SGPL1: variants seen among roughly 807,000 people sequenced by gnomAD.
SGPL1 encodes the protein sphingosine-1-phosphate lyase 1.
A neutral mutation model predicts 68.9 loss-of-function variants in SGPL1; 37 were observed. That is an observed-to-expected ratio of 0.54 (90% CI 0.41 to 0.71). The LOEUF is 0.71. Among genes scored for constraint, SGPL1 ranks in the 30% least tolerant of loss-of-function variants. The pLI, the probability that SGPL1 is intolerant of heterozygous loss-of-function variation, is 0.00. For missense variants in SGPL1, 551 were observed against 704.6 expected, an observed-to-expected ratio of 0.78 and a Z score of 2.47; for synonymous variants, 236 against 248.5, an observed-to-expected ratio of 0.95 and a Z score of 0.47.
chr10:70,839,733 A>G (rs1278464146), intron 2 of SGPL1, among the ~76,000 whole-genome samples: 1 of 152,138 alleles, frequency 6.6e-6, no homozygotes, highest in Non-Finnish European at 1.5e-5. Flanking sequence ...AAGTACTGTT[A>G]TAAGTAAAAA....
chr10:70,848,454 C>CTTTTTTTTTTTTTTTTTTTTTT, intron 3 of SGPL1, among the ~76,000 whole-genome samples: 1 of 70,684 alleles, frequency 1.4e-5, no homozygotes, highest in Non-Finnish European at 2.5e-5. Flanking sequence ...ACCTCACGTA[C>CTTTTTTTTTTTTTTTTTTTTTT]TTTTTTTTTT....
intron 5 of SGPL1, among the ~76,000 whole-genome samples, chr10:70,856,718 A>C (rs1443996918): frequency 1.3e-5 from 2 of 152,210 alleles, no homozygotes; most frequent in African/African-American, 4.8e-5. Flanking sequence ...CAAGAGCTGA[A>C]GATCTTTGCT....
At chr10:70,818,108 CGTTTT>C (rs1168301627) in intron 2 of SGPL1, among the ~76,000 whole-genome samples, 6 of 151,668 alleles carry the variant, frequency 4.0e-5, no homozygotes, top group South Asian at 2.1e-4. Flanking sequence ...TTTTTTGTTT[CGTTTT>C]GTTTTGTTTT....
At chr10:70,870,898 G>A in intron 9 of SGPL1, 150 bp from the exon 10 acceptor site, 1 of 652,040 alleles carries the variant, frequency 1.5e-6, no homozygotes, top group Admixed American at 2.3e-5. Context: ...CACCGTGGTG[G>A]GATGCAGTCT....
intron 2 of SGPL1, among the ~76,000 whole-genome samples, chr10:70,828,155 GA>G: frequency 6.6e-6 from 1 of 152,146 alleles, no homozygotes; most frequent in Non-Finnish European, 1.5e-5. Flanking sequence ...CTGCCAAACA[GA>G]TTTCCAAAGT....
At chr10:70,855,002 C>T (rs1845942283) in intron 5 of SGPL1, 147 bp downstream of exon 5, 1 of 639,462 alleles carries the variant, frequency 1.6e-6, no homozygotes, top group Non-Finnish European at 2.4e-6. Flanking sequence ...GTTGAATTTC[C>T]TATTTTTAAA....
Position 70,854,857 on chromosome 10 carries a change from T to C in SGPL1, c.409+2T>C. On this transcript the variant is annotated splice_donor_variant, in intron 5 of 14. Transcript: ENST00000373202. LOFTEE classifies it high-confidence loss of function. The stretch of plus-strand genomic sequence containing the variant: ...AACTTAAGGAGTACAGCTCTATGGG[T>C]ATGATGCTTGGCATATACATGCTCT... 2 of 1,597,030 alleles carry C rather than the reference T, an allele frequency of 1.3e-6. No individual in the cohort carries two copies. The highest frequency in any genetic ancestry group is 1.7e-6 in the Non-Finnish European group (2 of 1,174,054).
chr10:70,817,408 A>G (rs1201979659), intron 2 of SGPL1, among the ~76,000 whole-genome samples: 7 of 152,214 alleles, frequency 4.6e-5, no homozygotes, highest in African/African-American at 1.7e-4. Context: ...TAAATTATTG[A>G]AGAATCTTTT....
intron 7 of SGPL1, among the ~76,000 whole-genome samples, chr10:70,862,786 T>A (rs957527045): frequency 1.3e-5 from 2 of 151,756 alleles, no homozygotes; most frequent in Admixed American, 1.3e-4. Flanking sequence ...TCCGGACACA[T>A]CCGAACATCA....
At chr10:70,823,810 A>G (rs1845384913) in intron 2 of SGPL1, among the ~76,000 whole-genome samples, 2 of 152,110 alleles carry the variant, frequency 1.3e-5, no homozygotes, top group Middle Eastern at 3.4e-3. Context: ...TTTTCTTTTA[A>G]TAACCAATTC....
At chr10:70,830,239 A>G (rs761847029) in intron 2 of SGPL1, among the ~76,000 whole-genome samples, 4 of 152,196 alleles carry the variant, frequency 2.6e-5, no homozygotes, top group Non-Finnish European at 5.9e-5. Flanking sequence ...GGTGTTTTGT[A>G]TATTCACAGT....
At chr10:70,850,981 T>C (rs1041943879) in intron 3 of SGPL1, among the ~76,000 whole-genome samples, 162 bp from the exon 4 acceptor site, 1 of 152,148 alleles carries the variant, frequency 6.6e-6, no homozygotes, top group Non-Finnish European at 1.5e-5. Flanking sequence ...ATAGTACTTA[T>C]TCACAAACTT....
At chr10:70,865,068 T>G (rs1284766599) in intron 7 of SGPL1, among the ~76,000 whole-genome samples, 4 of 152,182 alleles carry the variant, frequency 2.6e-5, no homozygotes, top group African/African-American at 9.7e-5. Flanking sequence ...AAGAAGAAAA[T>G]AAGGAAACCC....
At position 70,848,929 on chromosome 10, in the gene SGPL1, C is replaced by G. The variant is rs145819388; in HGVS notation, c.194-2214C>G. 2.2e-4 allele frequency among the ~76,000 whole-genome samples: 33 copies of G among 152,318 alleles called. No homozygotes were observed. In the East Asian group the frequency reaches 5.4e-3, roughly 25 times the overall value. On this transcript the variant is annotated intron_variant, in intron 3 of 14. Transcript: ENST00000373202. ...ACCATCTCCCAGTCTTCCTTCTTCC[C>G]CTTACTCTCAATCCCACTAAAAAAT...
At chr10:70,845,017 C>T (rs1409801581) in intron 3 of SGPL1, among the ~76,000 whole-genome samples, 2 of 152,122 alleles carry the variant, frequency 1.3e-5, no homozygotes, top group Non-Finnish European at 2.9e-5. Context: ...GGATTACAAG[C>T]GTGAGCCACC....
chr10:70,841,558 CTT>C (rs1166044201), intron 2 of SGPL1, among the ~76,000 whole-genome samples: 1 of 152,076 alleles, frequency 6.6e-6, no homozygotes, highest in African/African-American at 2.4e-5. Flanking sequence ...CTGGGGGTCT[CTT>C]TTATAAAGTC....
intron 2 of SGPL1, among the ~76,000 whole-genome samples, chr10:70,836,556 C>CCCTTTG (rs993431259): frequency 5.9e-5 from 9 of 152,018 alleles, no homozygotes; most frequent in Admixed American, 5.9e-4. Context: ...TCCCTCTCCT[C>CCCTTTG]CCTTTGCCTT....
At chr10:70,836,456 T>G (rs140455582) in intron 2 of SGPL1, among the ~76,000 whole-genome samples, 1 of 152,334 alleles carries the variant, frequency 6.6e-6, no homozygotes, top group East Asian at 1.9e-4. Flanking sequence ...TGACTTCAGT[T>G]TTCCCCATCT....
intron 3 of SGPL1, among the ~76,000 whole-genome samples, chr10:70,850,597 A>G (rs1845863388): frequency 6.6e-6 from 1 of 152,152 alleles, no homozygotes; most frequent in African/African-American, 2.4e-5. Flanking sequence ...TTACAAGGTT[A>G]TTTCAGCATG....
Sources: allele counts gnomAD v4.1 joint callset (sites outside exome capture counted in the v4.1 genomes callset), GRCh38; gene constraint gnomAD v4.1.1; transcripts MANE v1.5; gene names NCBI Gene and HGNC (gene_info 2026-07-23, HGNC 2026-07-21).